Variants in GID4 observed in about 807,000 individuals in gnomAD.
GID4 encodes GID complex subunit 4 homolog, also known as glucose-induced degradation protein 4 homolog.
GID4 carries 7 observed loss-of-function variants against 32.4 expected under a neutral mutation model. The ratio of observed to expected loss-of-function variants is 0.22; its 90% CI spans 0.12 to 0.41. The LOEUF is 0.41. Ranked by LOEUF, GID4 falls within the 10% of genes least tolerant of loss-of-function variation. GID4 has a pLI of 1.00. For missense variants in GID4, 309 were observed against 400.0 expected, an observed-to-expected ratio of 0.77 and a Z score of 1.94; for synonymous variants, 166 against 170.0, an observed-to-expected ratio of 0.98 and a Z score of 0.18.
intron 1 of GID4, among the ~76,000 whole-genome samples, chr17:18,042,361 T>G (rs2044811290): frequency 6.6e-6 from 1 of 152,224 alleles, no homozygotes. Context: ...ATTTTTGTTG[T>G]TGTTTGTCTA....
At chr17:18,047,022 A>G (rs946345193) in intron 2 of GID4, among the ~76,000 whole-genome samples, 1 of 152,120 alleles carries the variant, frequency 6.6e-6, no homozygotes, top group African/African-American at 2.4e-5. Flanking sequence ...GACAGACTCA[A>G]ATATGGTACT....
chr17:18,056,859 G>C (rs2044972394), intron 3 of GID4: 2 of 1,550,598 alleles, frequency 1.3e-6, no homozygotes, highest in East Asian at 4.9e-5. Flanking sequence ...CCAACAGTTT[G>C]TGGCTGCTTT....
Position 18,057,114 on chromosome 17 carries a change from A to G in GID4, c.607-1754A>G, listed in dbSNP as rs1299393199. ...TGGTACTATAAAGTCAGGATTCCAT[A>G]TATTCAGTCTACATAGGATAAAAAT... On this transcript the variant is annotated intron_variant, in intron 3 of 5. Coordinates refer to ENST00000268719, the MANE Select transcript of GID4 (RefSeq NM_024052.5). 9 of 1,459,176 alleles carry G rather than the reference A, an allele frequency of 6.2e-6. No individual in the cohort carries two copies. In the African/African-American group the frequency reaches 1.3e-4, roughly 21 times the overall value. The allele number at this position is 1,459,176 out of a possible 1,614,324, so 90.4% of individuals were successfully genotyped here. A position where few individuals can be genotyped will look rare whatever the true frequency, so the allele number is the denominator to read the frequency against.
chr17:18,051,656 CAG>C (rs1471945898), intron 2 of GID4, among the ~76,000 whole-genome samples: 1 of 148,700 alleles, frequency 6.7e-6, no homozygotes, highest in African/African-American at 2.5e-5. Flanking sequence ...GCCTGGGCGA[CAG>C]AGCGAGACTC....
intron 4 of GID4, among the ~76,000 whole-genome samples, chr17:18,059,807 C>T (rs550283361): frequency 6.6e-6 from 1 of 151,958 alleles, no homozygotes; most frequent in East Asian, 1.9e-4. Flanking sequence ...GGGGATCGGC[C>T]GGGCGTGGTG....
At position 18,068,359 on chromosome 17, in the gene GID4, A is replaced by G. The variant is rs1304759350; in HGVS notation, c.*3116A>G. 2 of 142,166 alleles carry G rather than the reference A, an allele frequency of 1.4e-5. No individual in the cohort carries two copies. The highest frequency in any genetic ancestry group is 3.1e-5 in the Non-Finnish European group (2 of 64,388). The allele number at this position is 142,166 out of a possible 1,614,324, so 8.8% of individuals were successfully genotyped here. ...GGGAGAAGTATTTTGCAGAGCTATCAATGTCCAAATAATTTAAAAAAAAAA... is the reference window on the plus strand; with the variant it reads ...GGGAGAAGTATTTTGCAGAGCTATCGATGTCCAAATAATTTAAAAAAAAAA... On this transcript the variant is annotated 3_prime_UTR_variant, in exon 6 of 6. Transcript: ENST00000268719.
chr17:18,047,842 A>G (rs2044869883), intron 2 of GID4, among the ~76,000 whole-genome samples: 1 of 152,098 alleles, frequency 6.6e-6, no homozygotes. Context: ...CATTTCACCC[A>G]TTTGAAGTAT....
chr17:18,055,096 A>C (rs1242818869), intron 3 of GID4, among the ~76,000 whole-genome samples: 1 of 151,322 alleles, frequency 6.6e-6, no homozygotes, highest in Non-Finnish European at 1.5e-5. Context: ...GCGTGAACCC[A>C]GGAGGCGGAG....
intron 2 of GID4, among the ~76,000 whole-genome samples, chr17:18,045,716 C>T (rs2044846168): frequency 6.6e-6 from 1 of 151,382 alleles, no homozygotes. Context: ...TGGTGAAACC[C>T]CATCTCTACT....
chr17:18,055,900 G>A (rs1597696459), intron 3 of GID4, among the ~76,000 whole-genome samples: 1 of 152,156 alleles, frequency 6.6e-6, no homozygotes, highest in Non-Finnish European at 1.5e-5. Flanking sequence ...GTGCAGTGGC[G>A]TAATCTCGGC....
At position 18,039,691 on chromosome 17, in the gene GID4, C is replaced by T. The variant is rs1376528231; in HGVS notation, c.227C>T (p.Ala76Val). ...GCGGTTCCTCTCCCACTCCCCCCAG[C>T]CCTGGCTCCGGGGGACCCCGCGATG... ...AAAVPLPLPP[A>V]LAPGDPAMPV... The change falls in exon 1 of 6, where the codon GCC becomes GTC. Residue 76 changes from alanine (A) to valine (V), a missense_variant. By Grantham distance (64) the Ala-to-Val change is moderately conservative. Transcript: ENST00000268719. This position sits in a 1 kb window ranked among gnomAD's most constrained non-coding sequence, Gnocchi z 5.3. The T allele has an allele frequency of 6.8e-7, 1 of 1,469,442 alleles. No individual in the cohort carries two copies. Among genetic ancestry groups the T allele is most frequent in the South Asian group, 1.3e-5 (1 of 75,368 alleles). The allele number at this position is 1,469,442 out of a possible 1,614,324, so 91.0% of individuals were successfully genotyped here. A position where few individuals can be genotyped will look rare whatever the true frequency, so the allele number is the denominator to read the frequency against.
intron 3 of GID4, chr17:18,056,665 G>A (rs2044970308): frequency 6.5e-7 from 1 of 1,536,224 alleles, no homozygotes; most frequent in Non-Finnish European, 8.8e-7. Flanking sequence ...TTAAATACTT[G>A]GAAAGCAACT....
chr17:18,041,559 C>G (rs750641112), intron 1 of GID4, among the ~76,000 whole-genome samples: 4 of 152,128 alleles, frequency 2.6e-5, no homozygotes, highest in Non-Finnish European at 5.9e-5. Flanking sequence ...TGTAGTGATC[C>G]TCTTCTTAAA....
At chr17:18,063,081 A>C (rs1445238080) in intron 5 of GID4, among the ~76,000 whole-genome samples, 28 of 120,318 alleles carry the variant, frequency 2.3e-4, no homozygotes, top group Admixed American at 2.0e-3. Flanking sequence ...CTCAAAAATA[A>C]ATAAATAAAT....
At chr17:18,045,287 C>T in intron 2 of GID4, 81 bp downstream of exon 2, 1 of 1,065,384 alleles carries the variant, frequency 9.4e-7, no homozygotes, top group Non-Finnish European at 1.4e-6. Context: ...GGCAGGCGGT[C>T]TCAACTCCTT....
chr17:18,046,768 A>G (rs1197655773), intron 2 of GID4, among the ~76,000 whole-genome samples: 1 of 152,098 alleles, frequency 6.6e-6, no homozygotes, highest in Non-Finnish European at 1.5e-5. Context: ...CTAAAAATAT[A>G]AAAATTAGCT....
chr17:18,067,261 A>G lies in GID4; in HGVS notation c.*2018A>G, dbSNP rs1018066327. The G allele has an allele frequency of 3.9e-5, 6 of 152,414 alleles. No homozygotes were observed. The East Asian group carries it at 1.2e-3, about 29-fold the overall frequency. 9.4% of individuals were successfully genotyped at this position (152,414 alleles called of 1,614,324 possible). On this transcript the variant is annotated 3_prime_UTR_variant, in exon 6 of 6. Transcript: ENST00000268719. The stretch of plus-strand genomic sequence containing the variant: ...GCATTTTTCCAGGCCTGTGAGGGAT[A>G]TAGGCCTCCCCTTGGAGCACTGAGT...
chr17:18,039,900 C>A lies in GID4; in HGVS notation c.436C>A (p.Gln146Lys). ...CTCGTACGACGTAGAGGTGGTGCTGCAGGTGAGCGCCGGGCCGGGCCGGGG... is the reference window on the plus strand; with the variant it reads ...CTCGTACGACGTAGAGGTGGTGCTGAAGGTGAGCGCCGGGCCGGGCCGGGG... ...GNSYDVEVVLQHVDTGNSYLC... is the reference protein window; with the variant it reads ...GNSYDVEVVLKHVDTGNSYLC... Residue 146 changes from glutamine to lysine, a missense_variant and splice_region_variant, in exon 1 of 6, where the codon CAG (glutamine) becomes AAG (lysine). By Grantham distance (53) the Gln-to-Lys change is moderately conservative (BLOSUM62 1). Coordinates refer to ENST00000268719, the MANE Select transcript of GID4 (RefSeq NM_024052.5). This position sits in a 1 kb window ranked among gnomAD's most constrained non-coding sequence, Gnocchi z 5.3. 7.1e-7 allele frequency: 1 copy of A among 1,409,996 alleles called. No individual in the cohort carries two copies. Among genetic ancestry groups the A allele is most frequent in the South Asian group, 1.6e-5 (1 of 60,878 alleles). The allele number at this position is 1,409,996 out of a possible 1,614,324, so 87.3% of individuals were successfully genotyped here.
At chr17:18,049,048 G>C (rs558297390) in intron 2 of GID4, among the ~76,000 whole-genome samples, 1 of 151,832 alleles carries the variant, frequency 6.6e-6, no homozygotes, top group African/African-American at 2.4e-5. Context: ...TACTAAAATG[G>C]AGATAGGCCA....
Sources: allele counts gnomAD v4.1 joint callset (sites outside exome capture counted in the v4.1 genomes callset), GRCh38; gene constraint gnomAD v4.1.1; non-coding constraint Gnocchi (gnomAD v3.1); transcripts MANE v1.5; gene names NCBI Gene and HGNC (gene_info 2026-07-23, HGNC 2026-07-21).